The following TRPS1 variants were observed in gnomAD, a reference collection of about 807,000 sequenced individuals.
TRPS1 encodes the protein zinc finger transcription factor Trps1.
Under a neutral mutation model 101.2 loss-of-function variants are expected in TRPS1, and 6 were observed. That is an observed-to-expected ratio of 0.06 (90% CI 0.03 to 0.12). The LOEUF is 0.12. Ranked by LOEUF, TRPS1 falls within the 10% of genes least tolerant of loss-of-function variation. TRPS1 has a pLI of 1.00. For synonymous variants in TRPS1, 578 were observed against 589.8 expected (o/e 0.98, Z 0.29); for missense variants, 1,363 against 1,567.0 (o/e 0.87, Z 2.20).
rs533717219 is a variant in TRPS1, at chr8:115,652,308, T to C, written c.-122+16237A>G. On this transcript the variant is annotated intron_variant, in intron 1 of 6. Coordinates refer to ENST00000395715, the MANE Select transcript of TRPS1 (RefSeq NM_014112.5). ...AGGCGCCTTGGCAGATATCGCTTAG[T>C]TGAGAAATGGAGATTCACATGAAAT... Among the ~76,000 whole-genome samples, 5 of 152,336 alleles carry C rather than the reference T, an allele frequency of 3.3e-5. 1 individual carries two copies. The South Asian group carries it at 1.0e-3, about 32-fold the overall frequency.
intron 1 of TRPS1, among the ~76,000 whole-genome samples, chr8:115,628,411 A>G (rs189620941): frequency 6.6e-6 from 1 of 151,714 alleles, no homozygotes; most frequent in Non-Finnish European, 1.5e-5. Flanking sequence ...AATTAGCATC[A>G]TTTTTCCCTC....
chr8:115,610,527 T>C (rs1244307982), intron 3 of TRPS1, among the ~76,000 whole-genome samples: 1 of 152,082 alleles, frequency 6.6e-6, no homozygotes, highest in Non-Finnish European at 1.5e-5. Context: ...ATTTCTGAGG[T>C]TTATTCCTAT....
chr8:115,555,207 G>T (rs1002812858), intron 5 of TRPS1, among the ~76,000 whole-genome samples: 1 of 151,750 alleles, frequency 6.6e-6, no homozygotes. Flanking sequence ...AATATACTTG[G>T]TTTTTTTTCT....
At chr8:115,457,170 AG>A (rs1207782174) in intron 5 of TRPS1, among the ~76,000 whole-genome samples, 17 of 152,234 alleles carry the variant, frequency 1.1e-4, no homozygotes. Context: ...TTTGATAAAA[AG>A]AAGTGGTTAA....
chr8:115,543,251 A>G (rs1298879667), intron 5 of TRPS1, among the ~76,000 whole-genome samples: 1 of 152,222 alleles, frequency 6.6e-6, no homozygotes, highest in Non-Finnish European at 1.5e-5. Flanking sequence ...CCAGGACCTC[A>G]GTGTACCACA....
intron 3 of TRPS1, among the ~76,000 whole-genome samples, chr8:115,611,779 T>C (rs969720123): frequency 3.3e-5 from 5 of 152,316 alleles, no homozygotes; most frequent in Admixed American, 2.0e-4. Context: ...AATCGTTAAA[T>C]GGAATATGGT....
At chr8:115,637,310 G>A in intron 1 of TRPS1, 1 of 985,374 alleles carries the variant, frequency 1.0e-6, no homozygotes, top group Non-Finnish European at 1.2e-6. Flanking sequence ...CTTGGAGAAA[G>A]CAGGAAGCCA....
chr8:115,646,804 T>G (rs1459348323), intron 1 of TRPS1, among the ~76,000 whole-genome samples: 3 of 152,166 alleles, frequency 2.0e-5, no homozygotes, highest in Non-Finnish European at 4.4e-5. Flanking sequence ...CTCTTAAACA[T>G]ATTACTTTAA....
chr8:115,534,016 C>G (rs988359180), intron 5 of TRPS1, among the ~76,000 whole-genome samples: 1 of 152,168 alleles, frequency 6.6e-6, no homozygotes, highest in African/African-American at 2.4e-5. Context: ...AACCCCAATA[C>G]CATCACACTG....
intron 5 of TRPS1, among the ~76,000 whole-genome samples, chr8:115,428,099 T>A (rs1813233573): frequency 6.6e-6 from 1 of 152,170 alleles, no homozygotes; most frequent in Non-Finnish European, 1.5e-5. Flanking sequence ...TAAACACACA[T>A]GTTCAGGTAA....
chr8:115,660,520 G>T (rs179444), intron 1 of TRPS1, among the ~76,000 whole-genome samples: 50,552 of 151,398 alleles, frequency 0.33, 8,895 homozygotes, highest in Admixed American at 0.42. Flanking sequence ...TGTTTACTAT[G>T]ATTTATGATA....
intron 3 of TRPS1, among the ~76,000 whole-genome samples, chr8:115,605,936 C>T (rs896601986): frequency 6.6e-6 from 1 of 152,152 alleles, no homozygotes; most frequent in Non-Finnish European, 1.5e-5. Context: ...AATTAAGCCA[C>T]CACTGAGCAG....
At chr8:115,589,469 T>C (rs1264092762) in intron 4 of TRPS1, among the ~76,000 whole-genome samples, 8 of 152,208 alleles carry the variant, frequency 5.3e-5, no homozygotes, top group African/African-American at 1.9e-4. Flanking sequence ...TAATGTAGCA[T>C]ACAAGAGCTT....
chr8:115,430,979 G>T (rs1328042048), intron 5 of TRPS1, among the ~76,000 whole-genome samples: 1 of 151,850 alleles, frequency 6.6e-6, no homozygotes, highest in African/African-American at 2.4e-5. Flanking sequence ...GGAGAATGCT[G>T]TAAATGTCAG....
intron 5 of TRPS1, among the ~76,000 whole-genome samples, chr8:115,485,270 G>A (rs540108746): frequency 6.6e-6 from 1 of 152,264 alleles, no homozygotes; most frequent in South Asian, 2.1e-4. Flanking sequence ...CAAGGAAAAT[G>A]GGGACCTCAG....
chr8:115,588,863 A>G (rs550560868), intron 4 of TRPS1, among the ~76,000 whole-genome samples: 45 of 152,338 alleles, frequency 3.0e-4, no homozygotes, highest in African/African-American at 1.1e-3. Context: ...CACTGGGTAC[A>G]CATTGGTGAA....
chr8:115,667,348 C>T (rs755653795), intron 1 of TRPS1, among the ~76,000 whole-genome samples: 3 of 152,234 alleles, frequency 2.0e-5, no homozygotes, highest in Non-Finnish European at 2.9e-5. Context: ...ACCGCCGCCT[C>T]ACCCTCAAAT....
intron 5 of TRPS1, among the ~76,000 whole-genome samples, chr8:115,534,522 C>CTAACCCCCG (rs1816233993): frequency 6.6e-6 from 1 of 152,234 alleles, no homozygotes; most frequent in Non-Finnish European, 1.5e-5. Context: ...GGTTGAAGCT[C>CTAACCCCCG]TAACCCCCGG....
chr8:115,543,761 C>T (rs1816508662), intron 5 of TRPS1, among the ~76,000 whole-genome samples: 1 of 152,018 alleles, frequency 6.6e-6, no homozygotes, highest in Non-Finnish European at 1.5e-5. Context: ...TTAAATTAGC[C>T]TGGATTTTAA....
Sources: gnomAD v4.1 joint callset for allele counts (sites outside exome capture counted in the v4.1 genomes callset) on GRCh38, gnomAD v4.1.1 for gene constraint, MANE v1.5 for transcripts, NCBI Gene and HGNC (gene_info 2026-07-23, HGNC 2026-07-21) for gene names.